The following RAD52 variants were observed in gnomAD, a reference collection of about 807,000 sequenced individuals.
RAD52 encodes the protein RAD52 DNA repair protein, also known as DNA repair protein RAD52 homolog.
RAD52 carries 47 observed loss-of-function variants against 55.5 expected under a neutral mutation model. The ratio of observed to expected loss-of-function variants is 0.85; its 90% CI spans 0.67 to 1.08. RAD52 has a LOEUF of 1.08. Ranked by LOEUF, RAD52 falls within the 50% of genes least tolerant of loss-of-function variation. The pLI, the probability that RAD52 is intolerant of heterozygous loss-of-function variation, is 0.00. For synonymous variants in RAD52, 184 were observed against 198.9 expected (o/e 0.92, Z 0.63); for missense variants, 468 against 522.8 (o/e 0.90, Z 1.02).
chr12:915,674 C>T (rs1018064117), intron 9 of RAD52, among the ~76,000 whole-genome samples: 1 of 152,066 alleles, frequency 6.6e-6, no homozygotes, highest in African/African-American at 2.4e-5. Context: ...CCAATTTTGC[C>T]TTGTATTCGA....
chr12:964,617 T>C (rs1958732630), intron 1 of RAD52, among the ~76,000 whole-genome samples: 1 of 152,072 alleles, frequency 6.6e-6, no homozygotes, highest in South Asian at 2.1e-4. Context: ...GCGGCTCTGC[T>C]GCCCAGGCTG....
At position 969,547 on chromosome 12, in the gene RAD52, G is replaced by A. The variant is rs542934635; in HGVS notation, c.-19+20262C>T. ...CAAGCCTGTAATTCCAACACCTTGG[G>A]AGGCTGAGGCAGGAGGATCACTTGA... On this transcript the variant is annotated intron_variant, in intron 1 of 11. Transcript: ENST00000430095. 2.6e-5 allele frequency among the ~76,000 whole-genome samples: 4 copies of A among 152,070 alleles called. No individual in the cohort carries two copies. In the East Asian group the frequency reaches 7.7e-4, roughly 29 times the overall value.
At chr12:939,052 TTGTG>T (rs1555176185) in intron 1 of RAD52, among the ~76,000 whole-genome samples, 4,349 of 141,136 alleles carry the variant, frequency 0.031, 147 homozygotes, top group African/African-American at 0.078. Context: ...ATTCAACTAA[TTGTG>T]TGTGTGTGTG....
chr12:928,014 A>C (rs567018456), intron 5 of RAD52, among the ~76,000 whole-genome samples: 2 of 152,330 alleles, frequency 1.3e-5, no homozygotes, highest in African/African-American at 2.4e-5. Context: ...ACCTGAGCAC[A>C]TCATTCGCTG....
At chr12:916,178 A>G (rs1020957982) in intron 9 of RAD52, 166 bp downstream of exon 9, 3 of 1,385,758 alleles carry the variant, frequency 2.2e-6, no homozygotes, top group Admixed American at 3.2e-5. Flanking sequence ...GCAGATTTAA[A>G]TATCTGAATT....
chr12:971,230 C>T (rs1958846080), intron 1 of RAD52, among the ~76,000 whole-genome samples: 1 of 151,834 alleles, frequency 6.6e-6, no homozygotes, highest in Admixed American at 6.6e-5. Context: ...TTTAATCAAC[C>T]TTTTGTTTTG....
At chr12:926,392 T>TG (rs1251548029) in intron 6 of RAD52, among the ~76,000 whole-genome samples, 20 of 152,008 alleles carry the variant, frequency 1.3e-4, no homozygotes, top group Non-Finnish European at 1.6e-4. Flanking sequence ...TGATCCCAGC[T>TG]ACTCGGGAGG....
At chr12:937,824 A>G (rs2154116658) in intron 1 of RAD52, among the ~76,000 whole-genome samples, 1 of 152,056 alleles carries the variant, frequency 6.6e-6, no homozygotes, top group East Asian at 1.9e-4. Flanking sequence ...TATCCAGACT[A>G]CTTTGCACCT....
rs774739534 is a variant in RAD52, at chr12:925,443, GAT to G, written c.543+5_543+6del. The G allele has an allele frequency of 6.0e-5, 96 of 1,609,590 alleles. No individual in the cohort carries two copies. Among genetic ancestry groups the G allele is most frequent in the Non-Finnish European group, 8.0e-5 (94 of 1,176,072 alleles). On this transcript the variant is annotated splice_donor_5th_base_variant and intron_variant, in intron 7 of 11. Transcript: ENST00000358495. ...ATCTTCACTCCACTCATCCATGTCT[GAT>G]ATACCTGGCGTGGAAGCTTATTTAG...
intron 7 of RAD52, among the ~76,000 whole-genome samples, chr12:923,004 T>A (rs963244564): frequency 6.6e-6 from 1 of 151,428 alleles, no homozygotes; most frequent in African/African-American, 2.4e-5. Flanking sequence ...ACAGGCAGGC[T>A]GACCACCATG....
chr12:942,046 TC>T (rs1425890071), intron 1 of RAD52, among the ~76,000 whole-genome samples: 6 of 152,210 alleles, frequency 3.9e-5, no homozygotes, highest in Admixed American at 3.9e-4. Context: ...ATCCATAGAT[TC>T]AATGCAATCC....
chr12:913,606 A>G (rs1426163287), intron 11 of RAD52, among the ~76,000 whole-genome samples, 154 bp from the exon 12 acceptor site: 1 of 152,220 alleles, frequency 6.6e-6, no homozygotes, highest in African/African-American at 2.4e-5. Context: ...TCCTAGACCA[A>G]GTGGCCTCGT....
chr12:962,025 C>T (rs1307038200), intron 1 of RAD52, among the ~76,000 whole-genome samples: 1 of 152,176 alleles, frequency 6.6e-6, no homozygotes, highest in African/African-American at 2.4e-5. Flanking sequence ...ACACCTTGAT[C>T]TTAGACTCTA....
chr12:930,422 T>A (rs1477013486), intron 3 of RAD52, among the ~76,000 whole-genome samples: 1 of 152,056 alleles, frequency 6.6e-6, no homozygotes, highest in African/African-American at 2.4e-5. Flanking sequence ...ATGAATTTAT[T>A]TCAAAAATCT....
Position 961,309 on chromosome 12 carries a change from C to CAAAAAAAAAAAAAAAAAAAAAAA in RAD52, c.-18-28256_-18-28234dup, listed in dbSNP as rs60547688. 1.9e-3 allele frequency among the ~76,000 whole-genome samples: 65 copies of CAAAAAAAAAAAAAAAAAAAAAAA among 33,800 alleles called. 1 individual carries two copies. Among genetic ancestry groups the CAAAAAAAAAAAAAAAAAAAAAAA allele is most frequent in the Admixed American group, 2.3e-3 (5 of 2,144 alleles). 22.2% of individuals were successfully genotyped at this position (33,800 alleles called of 152,430 possible). ...TGGGTGACAGAGTGAGACTCCATCT[C>CAAAAAAAAAAAAAAAAAAAAAAA]AAAAAAAAAAAAAAAAAAAAAAAGG... is the stretch of plus-strand genomic sequence containing the variant. On this transcript the variant is annotated intron_variant, in intron 1 of 11. Coordinates refer to the RAD52 transcript ENST00000430095.
chr12:978,696 G>A (rs577538391), intron 1 of RAD52, among the ~76,000 whole-genome samples: 54 of 151,942 alleles, frequency 3.6e-4, no homozygotes, highest in Non-Finnish European at 6.9e-4. Flanking sequence ...CCAGCTACTC[G>A]GGAGGCTGAG....
chr12:964,916 C>T (rs903223684), intron 1 of RAD52, among the ~76,000 whole-genome samples: 1 of 151,878 alleles, frequency 6.6e-6, no homozygotes, highest in South Asian at 2.1e-4. Context: ...ATTTTGGATA[C>T]ACTTCTTCAG....
At chr12:963,799 C>T (rs6489769) in intron 1 of RAD52, among the ~76,000 whole-genome samples, 92,192 of 151,036 alleles carry the variant, frequency 0.61, 28,096 homozygotes, top group Middle Eastern at 0.69. Flanking sequence ...GGATGTTCTA[C>T]GTAAGCAATA....
intron 1 of RAD52, among the ~76,000 whole-genome samples, chr12:957,937 G>A (rs61917206): frequency 0.047 from 7,095 of 152,326 alleles, 232 homozygotes; most frequent in Middle Eastern, 0.095. Context: ...GCTGAATCTC[G>A]TTGTGGGCAG....
Sources: allele counts gnomAD v4.1 joint callset (sites outside exome capture counted in the v4.1 genomes callset), GRCh38; gene constraint gnomAD v4.1.1; transcripts MANE v1.5; gene names NCBI Gene and HGNC (gene_info 2026-07-23, HGNC 2026-07-21).